The following TMPRSS6 variants were observed in gnomAD, a reference collection of about 807,000 sequenced individuals.
TMPRSS6 encodes the protein transmembrane protease serine 6.
TMPRSS6 carries 67 observed loss-of-function variants against 101.5 expected under a neutral mutation model. The ratio of observed to expected loss-of-function variants is 0.66; its 90% CI spans 0.54 to 0.81. The LOEUF (loss-of-function observed/expected upper bound fraction) is 0.81, where lower values mean the gene tolerates loss of function less well. Ranked by LOEUF, TMPRSS6 falls within the 30% of genes least tolerant of loss-of-function variation. The pLI, the probability that TMPRSS6 is intolerant of heterozygous loss-of-function variation, is 0.00. For missense variants in TMPRSS6, 1,034 were observed against 1,088.7 expected, an observed-to-expected ratio of 0.95 and a Z score of 0.71; for synonymous variants, 453 against 464.9, an observed-to-expected ratio of 0.97 and a Z score of 0.33.
rs370962659 is a variant in TMPRSS6 at position 37,069,154 on chromosome 22, C to G, written c.2032G>C (p.Val678Leu). The change falls in exon 16 of 18, where the codon GTC becomes CTC. Residue 678 changes from valine to leucine, a missense_variant. Physicochemically the swap from Val to Leu is conservative, Grantham distance 32. Coordinates refer to ENST00000676104, the MANE Select transcript of TMPRSS6 (RefSeq NM_001374504.1). The surrounding 1 kb of genome is among the most constrained non-coding windows in gnomAD (Gnocchi z 4.8). ...AAGTGGGAGCGCGCGGGCAGGCAGA[C>G]GGGGCGCACGGCGGCCGAGCGCACC... ...PVVRSAAVRP[V>L]CLPARSHFFE... 9 of 1,577,748 alleles carry G rather than the reference C, an allele frequency of 5.7e-6. No individual in the cohort carries two copies. The highest frequency in any genetic ancestry group is 7.7e-6 in the Non-Finnish European group (9 of 1,163,202).
intron 7 of TMPRSS6, among the ~76,000 whole-genome samples, chr22:37,087,787 T>C (rs766297536): frequency 9.9e-5 from 15 of 152,156 alleles, no homozygotes; most frequent in Non-Finnish European, 1.5e-4. Context: ...TCACCTTTAA[T>C]GGGGGCTTTA....
At chr22:37,093,109 T>C (rs1479264672) in intron 6 of TMPRSS6, among the ~76,000 whole-genome samples, 2 of 152,208 alleles carry the variant, frequency 1.3e-5, no homozygotes, top group African/African-American at 4.8e-5. Context: ...GAAGTGCTCA[T>C]AAAGTCGACT....
In TMPRSS6 at chr22:37,089,691, C is replaced by T; in HGVS notation, c.723G>A (p.Gln241=). ...HLASSCLWHL[Q]GPKDLMLKLR... ...GTTTGAGCATGAGGTCCTTGGGGCCCTGCAGGTGCCACAGGCAGCTGGAGG... is the reference window on the plus strand; with the variant it reads ...GTTTGAGCATGAGGTCCTTGGGGCCTTGCAGGTGCCACAGGCAGCTGGAGG... Residue 241 remains glutamine (Q), a synonymous_variant, in exon 7 of 18, where the codon CAG becomes CAA. Transcript: ENST00000676104. 1.2e-6 allele frequency: 2 copies of T among 1,612,266 alleles called. No homozygotes were observed. Among genetic ancestry groups the T allele is most frequent in the Non-Finnish European group, 8.5e-7 (1 of 1,179,320 alleles).
At chr22:37,088,020 C>A (rs1251639230) in intron 7 of TMPRSS6, among the ~76,000 whole-genome samples, 1 of 152,094 alleles carries the variant, frequency 6.6e-6, no homozygotes, top group African/African-American at 2.4e-5. Context: ...CATTTTAGAG[C>A]TTCTCCAAGG....
At chr22:37,093,033 C>T (rs568705187) in intron 6 of TMPRSS6, among the ~76,000 whole-genome samples, 52 of 152,280 alleles carry the variant, frequency 3.4e-4, no homozygotes, top group Non-Finnish European at 6.0e-4. Flanking sequence ...AAAGCTCCTC[C>T]GAGGGCAGGG....
At chr22:37,076,861 G>A (rs2146073977) in intron 10 of TMPRSS6, among the ~76,000 whole-genome samples, 1 of 152,332 alleles carries the variant, frequency 6.6e-6, no homozygotes, top group South Asian at 2.1e-4. Flanking sequence ...CCCTGGCAGA[G>A]AAAGCAGATG....
chr22:37,081,788 G>T (rs187229287), intron 10 of TMPRSS6, among the ~76,000 whole-genome samples: 25 of 152,182 alleles, frequency 1.6e-4, no homozygotes, highest in Admixed American at 3.3e-4. Flanking sequence ...CTTAGCCCTC[G>T]CTGGTCCCAG....
chr22:37,095,776 TGG>T, intron 5 of TMPRSS6, 128 bp downstream of exon 5: 1 of 1,310,302 alleles, frequency 7.6e-7, no homozygotes, highest in Non-Finnish European at 1.1e-6. Context: ...CTACCTCACC[TGG>T]GGGGCTCTCC....
Position 37,073,150 on chromosome 22 carries a change from A to G in TMPRSS6, c.1555+382T>C, listed in dbSNP as rs756508856. ...TGGATGGGTGGATGGGTGGGTGGGT[A>G]GATGGGTGGGTGGATGGATGGATGG... is the stretch of plus-strand genomic sequence containing the variant. On this transcript the variant is annotated intron_variant, in intron 13 of 17. Transcript: ENST00000676104. Among the ~76,000 whole-genome samples the G allele has an allele frequency of 3.7e-3, 286 of 77,502 alleles. 4 individuals are homozygous for G. Among genetic ancestry groups the G allele is most frequent in the African/African-American group, 0.024 (280 of 11,630 alleles). The allele number at this position is 77,502 out of a possible 152,430, so 50.8% of individuals were successfully genotyped here. A position where few individuals can be genotyped will look rare whatever the true frequency, so the allele number is the denominator to read the frequency against.
At position 37,103,761 on chromosome 22, in the gene TMPRSS6, A is replaced by G; in HGVS notation, c.-1-343T>C. The G allele has an allele frequency of 1.5e-6, 1 of 653,326 alleles. No individual in the cohort carries two copies. The highest frequency in any genetic ancestry group is 2.7e-6 in the Non-Finnish European group (1 of 365,636). The allele number at this position is 653,326 out of a possible 1,614,324, so 40.5% of individuals were successfully genotyped here. The stretch of plus-strand genomic sequence containing the variant: ...AGGCTGCACCCACAGACAGAACTGA[A>G]GTACATGGGGTGCAGACTTCTGTAG... On this transcript the variant is annotated intron_variant, in intron 1 of 17. Transcript: ENST00000676104. This position sits in a 1 kb window ranked among gnomAD's most constrained non-coding sequence, Gnocchi z 4.4.
In TMPRSS6 at chr22:37,103,574, G is replaced by A. The variant is rs1172026914; in HGVS notation, c.-1-156C>T. 6.2e-7 allele frequency: 1 copy of A among 1,613,418 alleles called. No homozygotes were observed. Among genetic ancestry groups the A allele is most frequent in the South Asian group, 1.1e-5 (1 of 91,074 alleles). On this transcript the variant is annotated intron_variant, in intron 1 of 17. Transcript: ENST00000676104. The surrounding 1 kb of genome is among the most constrained non-coding windows in gnomAD (Gnocchi z 4.4). ...GTGACTGCAAGTGGGTGCCGAGACA[G>A]CTCACAGAGGAGGGAAGTGCATCTC...
At chr22:37,075,866 C>T (rs1459993018) in intron 10 of TMPRSS6, among the ~76,000 whole-genome samples, 3 of 151,592 alleles carry the variant, frequency 2.0e-5, no homozygotes, top group African/African-American at 7.3e-5. Context: ...CGTGCCATTG[C>T]ACTCCAGCCT....
chr22:37,076,372 T>G (rs904187180), intron 10 of TMPRSS6, among the ~76,000 whole-genome samples: 1 of 152,010 alleles, frequency 6.6e-6, no homozygotes, highest in Non-Finnish European at 1.5e-5. Flanking sequence ...CCACACGGGG[T>G]GGGACCACCC....
In TMPRSS6 at chr22:37,074,689, G is replaced by C. The variant is rs141869125; in HGVS notation, c.1362C>G (p.Leu454=). 36 of 1,614,230 alleles carry C rather than the reference G, an allele frequency of 2.2e-5. No individual in the cohort carries two copies. The African/African-American group carries it at 4.0e-4, about 18-fold the overall frequency. The part of the protein sequence containing the change: ...NQSDPCPGEF[L]CSVNGLCVPA... ...GGACACAGAGTCCATTCACAGAACA[G>C]AGGAACTCTCCAGGGCAGGCTGCAA... The change falls in exon 12 of 18, where the codon CTC becomes CTG. Residue 454 remains leucine, a synonymous_variant. Coordinates refer to ENST00000676104, the MANE Select transcript of TMPRSS6 (RefSeq NM_001374504.1).
At chr22:37,085,118 G>A (rs1302486804) in intron 8 of TMPRSS6, among the ~76,000 whole-genome samples, 2 of 152,224 alleles carry the variant, frequency 1.3e-5, no homozygotes, top group East Asian at 1.9e-4. Context: ...ATATTTGCGG[G>A]ACAGCACTCG....
Position 37,084,661 on chromosome 22 carries a change from G to T in TMPRSS6, c.1086+66C>A, listed in dbSNP as rs540781770. 2.9e-6 allele frequency: 4 copies of T among 1,366,674 alleles called. No homozygotes were observed. In the African/African-American group the frequency reaches 4.3e-5, roughly 15 times the overall value. 84.7% of individuals were successfully genotyped at this position (1,366,674 alleles called of 1,614,324 possible). Reference sequence around the variant, plus strand: ...GCGGGACACTGCCCCCTCTCATCCCGGGTCACCAGGGACCTGTAGTGTGCT... The same window carrying T: ...GCGGGACACTGCCCCCTCTCATCCCTGGTCACCAGGGACCTGTAGTGTGCT... On this transcript the variant is annotated intron_variant, in intron 9 of 17. Transcript: ENST00000676104.
intron 6 of TMPRSS6, 130 bp downstream of exon 6, chr22:37,095,421 C>T (rs1929656024): frequency 2.6e-6 from 3 of 1,150,922 alleles, no homozygotes; most frequent in East Asian, 4.7e-5. Flanking sequence ...ACCATGGCAT[C>T]CCCTGGGTGA....
intron 10 of TMPRSS6, chr22:37,083,099 G>A: frequency 2.1e-6 from 1 of 470,876 alleles, no homozygotes; most frequent in South Asian, 1.6e-5. Flanking sequence ...GTGAAATCAA[G>A]AAATGACAAA....
At chr22:37,076,065 AAG>A (rs1927643765) in intron 10 of TMPRSS6, among the ~76,000 whole-genome samples, 1 of 151,528 alleles carries the variant, frequency 6.6e-6, no homozygotes, top group African/African-American at 2.4e-5. Context: ...GGAAAGAAAA[AAG>A]AAAAGAAAAG....
Sources: gnomAD v4.1 joint callset for allele counts (sites outside exome capture counted in the v4.1 genomes callset) on GRCh38, gnomAD v4.1.1 for gene constraint, Gnocchi (gnomAD v3.1) non-coding constraint, MANE v1.5 for transcripts, NCBI Gene and HGNC (gene_info 2026-07-23, HGNC 2026-07-21) for gene names.